The following ZNF773 variants were observed in gnomAD, a reference collection of about 807,000 sequenced individuals.
ZNF773 encodes zinc finger protein 773.
In ZNF773, 11 loss-of-function variants were observed where a neutral mutation model predicts 12.8. The observed-to-expected ratio is 0.86, with a 90% confidence interval of 0.54 to 1.42. The LOEUF is 1.42. Among genes scored for constraint, ZNF773 ranks in the 40% most tolerant of loss-of-function variants. ZNF773 has a pLI of 0.00. For synonymous variants in ZNF773, 175 were observed against 178.4 expected (o/e 0.98, Z 0.15); for missense variants, 518 against 527.2 (o/e 0.98, Z 0.17).
rs375158573 is a variant in ZNF773, at chr19:57,507,445, G to T, written c.*21G>T. 6.4e-7 allele frequency: 1 copy of T among 1,562,364 alleles called. No individual in the cohort carries two copies. On this transcript the variant is annotated 3_prime_UTR_variant, in exon 4 of 4. Transcript: ENST00000282292. ...AATGATTGTGAGAAATCCTTTAGCT[G>T]GTGTTTCAACCTCATTCAACACCAG...
chr19:57,500,880 C>T (rs2089661976), intron 1 of ZNF773, among the ~76,000 whole-genome samples: 1 of 151,996 alleles, frequency 6.6e-6, no homozygotes, highest in Non-Finnish European at 1.5e-5. Flanking sequence ...TTCAGATGGT[C>T]CCTGAGGTGA....
At position 57,505,853 on chromosome 19, in the gene ZNF773, G is replaced by T. The variant is rs201967044; in HGVS notation, c.262+453G>T. Among the ~76,000 whole-genome samples the T allele has an allele frequency of 3.3e-5, 5 of 151,958 alleles. No individual in the cohort carries two copies. The East Asian group carries it at 9.7e-4, about 29-fold the overall frequency. ...AGCCTCCTAGTAGCCAGGACTACAG[G>T]CGCCCGCCACCATGCCTGGCTAATT... is the stretch of plus-strand genomic sequence containing the variant. On this transcript the variant is annotated intron_variant, in intron 3 of 3. Transcript: ENST00000282292.
chr19:57,514,361 A>T (rs1340794600), downstream of ZNF773: 3 of 152,244 alleles, frequency 2.0e-5, no homozygotes, highest in Non-Finnish European at 2.9e-5. Context: ...GGCTGCACCC[A>T]ATGCTAGGTA....
chr19:57,512,400 A>ATTTTTTTT (rs747914066), downstream of ZNF773, among the ~76,000 whole-genome samples: 2 of 113,296 alleles, frequency 1.8e-5, no homozygotes, highest in African/African-American at 3.4e-5. Flanking sequence ...AAGATGCAGT[A>ATTTTTTTT]TTTTTTTTTT....
chr19:57,517,322 C>A (rs2089837957), downstream of ZNF773: 1 of 152,176 alleles, frequency 6.6e-6, no homozygotes, highest in Admixed American at 6.5e-5. Flanking sequence ...ATTATAGATT[C>A]CTGTAAATCT....
Position 57,506,674 on chromosome 19 carries a change from C to G in ZNF773, c.579C>G (p.Cys193Trp). The change falls in exon 4 of 4, where the codon TGC (cysteine) becomes TGG (tryptophan). Residue 193 changes from cysteine (C) to tryptophan (W), a missense_variant. By Grantham distance (215) the Cys-to-Trp change is radical (BLOSUM62 -2). Transcript: ENST00000282292. ...AFHAGKRHYKCSECGKAFGQK... is the reference protein window; with the variant it reads ...AFHAGKRHYKWSECGKAFGQK... Reference sequence around the variant, plus strand: ...ATGCTGGAAAAAGGCATTACAAATGCAGTGAATGTGGGAAAGCCTTTGGTC... The same window carrying G: ...ATGCTGGAAAAAGGCATTACAAATGGAGTGAATGTGGGAAAGCCTTTGGTC... 1 of 1,614,234 alleles carries G rather than the reference C, an allele frequency of 6.2e-7. No individual in the cohort carries two copies. Among genetic ancestry groups the G allele is most frequent in the Non-Finnish European group, 8.5e-7 (1 of 1,180,048 alleles).
chr19:57,514,892 A>G (rs1480768722), downstream of ZNF773: 2 of 152,202 alleles, frequency 1.3e-5, no homozygotes, highest in Non-Finnish European at 2.9e-5. Context: ...CCTTCCTGTA[A>G]TCACTCATCA....
At chr19:57,512,689 C>T (rs2089804933), downstream of ZNF773, among the ~76,000 whole-genome samples, 1 of 152,194 alleles carries the variant, frequency 6.6e-6, no homozygotes, top group Admixed American at 6.5e-5. Flanking sequence ...AAACAACAAA[C>T]TAGTCTCATG....
downstream of ZNF773, chr19:57,516,140 C>T (rs905310663): frequency 6.4e-6 from 1 of 155,106 alleles, no homozygotes; most frequent in African/African-American, 2.4e-5. Flanking sequence ...CAACTGTGGG[C>T]CCAGCTCCTC....
chr19:57,514,266 A>C (rs2089818073), downstream of ZNF773: 1 of 152,248 alleles, frequency 6.6e-6, no homozygotes. Flanking sequence ...TACTGAAAGA[A>C]GTGTTCAGCC....
intron 1 of ZNF773, among the ~76,000 whole-genome samples, chr19:57,503,331 C>T (rs539411087): frequency 2.7e-4 from 41 of 152,224 alleles, no homozygotes; most frequent in Admixed American, 8.5e-4. Context: ...AGAACTGGGT[C>T]TCTTGCTTGG....
At chr19:57,500,779 C>T (rs1318807474) in intron 1 of ZNF773, among the ~76,000 whole-genome samples, 1 of 152,104 alleles carries the variant, frequency 6.6e-6, no homozygotes, top group African/African-American at 2.4e-5. Flanking sequence ...CATGGTGATC[C>T]TGAGATGTCC....
chr19:57,507,175 G>C lies in ZNF773; in HGVS notation c.1080G>C (p.Glu360Asp). The change falls in exon 4 of 4, where the codon GAG becomes GAC. Residue 360 changes from glutamate (E) to aspartate (D), a missense_variant. Transcript: ENST00000282292. ...TTCACACTGGAGAAAGGCCTTATGAGTGCAGTGAATGTGGGAAATTTTTTA... is the reference window on the plus strand; with the variant it reads ...TTCACACTGGAGAAAGGCCTTATGACTGCAGTGAATGTGGGAAATTTTTTA... The part of the protein sequence containing the change: ...WRVHTGERPY[E>D]CSECGKFFSQ... 6.2e-7 allele frequency: 1 copy of C among 1,614,018 alleles called. No homozygotes were observed. Among genetic ancestry groups the C allele is most frequent in the African/African-American group, 1.3e-5 (1 of 74,998 alleles).
chr19:57,501,499 T>C (rs2089670166), intron 1 of ZNF773, among the ~76,000 whole-genome samples: 1 of 152,164 alleles, frequency 6.6e-6, no homozygotes, highest in South Asian at 2.1e-4. Flanking sequence ...ATGAGTTTGA[T>C]ACAAACAATA....
chr19:57,516,474 TC>T (rs2089832938), downstream of ZNF773: 1 of 152,024 alleles, frequency 6.6e-6, no homozygotes, highest in African/African-American at 2.4e-5. Flanking sequence ...GACCCCTAAC[TC>T]CCCCTGACAG....
At chr19:57,505,825 C>G (rs998723995) in intron 3 of ZNF773, among the ~76,000 whole-genome samples, 5 of 151,262 alleles carry the variant, frequency 3.3e-5, no homozygotes, top group African/African-American at 1.2e-4. Context: ...ATTCTCCTGC[C>G]TCAGCCTCCT....
chr19:57,506,139 C>T (rs1202169364), intron 3 of ZNF773, among the ~76,000 whole-genome samples: 5 of 152,102 alleles, frequency 3.3e-5, no homozygotes, highest in African/African-American at 1.2e-4. Flanking sequence ...CCTTGTGCTA[C>T]ACCACATCCT....
At position 57,499,990 on chromosome 19, in the gene ZNF773, C is replaced by T. The variant is rs772183662; in HGVS notation, c.-91C>T. On this transcript the variant is annotated 5_prime_UTR_variant, in exon 1 of 4. Coordinates refer to ENST00000282292, the MANE Select transcript of ZNF773 (RefSeq NM_198542.3). ...GCGCGGTGGGGACGCGCTGTGTTCTCGCAGCTCAGAGGCGGGTCTGAGGCT... is the reference window on the plus strand; with the variant it reads ...GCGCGGTGGGGACGCGCTGTGTTCTTGCAGCTCAGAGGCGGGTCTGAGGCT... 6.0e-5 allele frequency: 89 copies of T among 1,481,574 alleles called. 1 individual carries two copies. In the Admixed American group the frequency reaches 2.0e-3, roughly 33 times the overall value. The allele number at this position is 1,481,574 out of a possible 1,614,324, so 91.8% of individuals were successfully genotyped here. A position where few individuals can be genotyped will look rare whatever the true frequency, so the allele number is the denominator to read the frequency against.
intron 1 of ZNF773, among the ~76,000 whole-genome samples, chr19:57,501,593 C>G (rs1260247980): frequency 6.6e-6 from 1 of 152,144 alleles, no homozygotes; most frequent in Non-Finnish European, 1.5e-5. Flanking sequence ...TCCAAGGGCA[C>G]ACAACAGGTA....
Sources: gnomAD v4.1 joint callset for allele counts (sites outside exome capture counted in the v4.1 genomes callset) on GRCh38, gnomAD v4.1.1 for gene constraint, MANE v1.5 for transcripts, NCBI Gene and HGNC (gene_info 2026-07-23, HGNC 2026-07-21) for gene names.